CRB1: variants seen among roughly 807,000 people sequenced by gnomAD.
CRB1 encodes the protein crumbs cell polarity complex component 1.
In CRB1, 83 loss-of-function variants were observed where a neutral mutation model predicts 120.0. The observed-to-expected ratio is 0.69, with a 90% CI of 0.58 to 0.83. The LOEUF (loss-of-function observed/expected upper bound fraction) is 0.83. Ranked by LOEUF, CRB1 falls within the 40% of genes least tolerant of loss-of-function variation. The pLI is 0.00. For missense variants in CRB1, 1,699 were observed against 1,687.6 expected (o/e 1.01, Z -0.12); for synonymous variants, 625 against 612.5 (o/e 1.02, Z -0.30).
chr1:197,363,123 A>C (rs1358755131), intron 5 of CRB1, among the ~76,000 whole-genome samples: 1 of 121,030 alleles, frequency 8.3e-6, no homozygotes, highest in African/African-American at 3.1e-5. Flanking sequence ...TAGGAATTTC[A>C]CTTCTATTTA....
chr1:197,208,284 G>A, the CRB1 span, among the ~76,000 whole-genome samples: 6 of 152,028 alleles, frequency 3.9e-5, no homozygotes, highest in African/African-American at 1.4e-4. Flanking sequence ...TTTTTGTGTT[G>A]TTAAAGAACC....
chr1:197,357,147 T>G, intron 5 of CRB1, 134 bp downstream of exon 5: 1 of 849,354 alleles, frequency 1.2e-6, no homozygotes, highest in South Asian at 1.4e-5. Context: ...GGGTCCCCCT[T>G]GTGGGCATGA....
chr1:197,316,470 A>G (rs1657851426), intron 1 of CRB1, among the ~76,000 whole-genome samples: 1 of 152,206 alleles, frequency 6.6e-6, no homozygotes, highest in Non-Finnish European at 1.5e-5. Flanking sequence ...GGCGTGAGCC[A>G]CCGCGCCCGT....
At chr1:197,341,709 A>AT (rs138678158) in intron 2 of CRB1, among the ~76,000 whole-genome samples, 3,981 of 152,024 alleles carry the variant, frequency 0.026, 185 homozygotes, top group African/African-American at 0.089. Flanking sequence ...TAAACCAAAC[A>AT]TTTTTTTTCC....
chr1:197,350,826 A>T (rs960814518), intron 4 of CRB1, among the ~76,000 whole-genome samples: 1 of 152,210 alleles, frequency 6.6e-6, no homozygotes. Flanking sequence ...TCTGAGCCTC[A>T]GTTTCCTCAT....
At chr1:197,353,723 C>T (rs1660241478) in intron 4 of CRB1, among the ~76,000 whole-genome samples, 1 of 150,700 alleles carries the variant, frequency 6.6e-6, no homozygotes, top group African/African-American at 2.5e-5. Flanking sequence ...ATCACTTGAA[C>T]CCAGCAGATG....
At chr1:197,301,703 GT>G (rs975405311) in intron 1 of CRB1, among the ~76,000 whole-genome samples, 3 of 152,106 alleles carry the variant, frequency 2.0e-5, no homozygotes, top group African/African-American at 7.2e-5. Flanking sequence ...ATTAACAAGA[GT>G]TGGAAGAAAT....
chr1:197,216,888 A>C, the CRB1 span, among the ~76,000 whole-genome samples: 3 of 152,160 alleles, frequency 2.0e-5, no homozygotes, highest in African/African-American at 4.8e-5. Context: ...TTATAAAGTG[A>C]CATTCAAGCC....
intron 11 of CRB1, among the ~76,000 whole-genome samples, chr1:197,471,128 T>C (rs923789421): frequency 3.3e-5 from 5 of 152,246 alleles, no homozygotes; most frequent in Admixed American, 1.3e-4. Context: ...ATGGAAATCA[T>C]ATCAGAAGGT....
the CRB1 span, among the ~76,000 whole-genome samples, chr1:197,246,661 T>C: frequency 6.6e-6 from 1 of 152,050 alleles, no homozygotes; most frequent in African/African-American, 2.4e-5. Flanking sequence ...AATTAAGTGA[T>C]TGAAAAAAAG....
At chr1:197,239,182 G>A in the CRB1 span, among the ~76,000 whole-genome samples, 1 of 152,002 alleles carries the variant, frequency 6.6e-6, no homozygotes. Flanking sequence ...AGAATAATGT[G>A]TATTCTGCTG....
intron 5 of CRB1, among the ~76,000 whole-genome samples, chr1:197,378,632 G>T (rs1661773879): frequency 6.6e-6 from 1 of 152,148 alleles, no homozygotes; most frequent in African/African-American, 2.4e-5. Context: ...CCCCAATAAG[G>T]AAGAGGGTCT....
chr1:197,267,071 G>T (rs985846168), upstream of CRB1, among the ~76,000 whole-genome samples: 8 of 152,104 alleles, frequency 5.3e-5, no homozygotes, highest in African/African-American at 1.9e-4. Flanking sequence ...GGAAGACTCT[G>T]GTCCTAATGT....
intron 5 of CRB1, among the ~76,000 whole-genome samples, chr1:197,400,461 G>A (rs910078102): frequency 4.3e-5 from 6 of 139,884 alleles, no homozygotes; most frequent in South Asian, 5.1e-4. Flanking sequence ...AGAACCAGAA[G>A]TAAAAGAGCA....
chr1:197,242,476 C>T, the CRB1 span, among the ~76,000 whole-genome samples: 3 of 152,188 alleles, frequency 2.0e-5, no homozygotes, highest in African/African-American at 4.8e-5. Flanking sequence ...TGATGGATTA[C>T]GTTTATTGAT....
At chr1:197,413,003 C>T (rs1270261897) in intron 5 of CRB1, among the ~76,000 whole-genome samples, 1 of 152,056 alleles carries the variant, frequency 6.6e-6, no homozygotes, top group East Asian at 1.9e-4. Context: ...TACTGCCCCT[C>T]TCAGGTAACA....
intron 1 of CRB1, among the ~76,000 whole-genome samples, chr1:197,313,726 C>T (rs1259192680): frequency 6.6e-6 from 1 of 152,124 alleles, no homozygotes; most frequent in Non-Finnish European, 1.5e-5. Flanking sequence ...TGGCTTCTTT[C>T]ACTTAACATA....
At chr1:197,255,282 G>A in the CRB1 span, among the ~76,000 whole-genome samples, 2 of 152,044 alleles carry the variant, frequency 1.3e-5, no homozygotes, top group African/African-American at 4.8e-5. Flanking sequence ...TCACTCATTT[G>A]AATGGTATTT....
intron 5 of CRB1, among the ~76,000 whole-genome samples, chr1:197,396,413 A>G (rs1023597059): frequency 1.8e-4 from 28 of 152,166 alleles, no homozygotes; most frequent in African/African-American, 5.8e-4. Context: ...TAATCTCTGC[A>G]TTCAATGTAA....
Sources: gnomAD v4.1 joint callset for allele counts (sites outside exome capture counted in the v4.1 genomes callset) on GRCh38, gnomAD v4.1.1 for gene constraint, MANE v1.5 for transcripts, NCBI Gene and HGNC (gene_info 2026-07-23, HGNC 2026-07-21) for gene names.